GSE1: variants seen among roughly 807,000 people sequenced by gnomAD.
GSE1 encodes the protein Gse1 coiled-coil protein.
In GSE1, 32 loss-of-function variants were observed where a neutral mutation model predicts 112.6. The observed-to-expected ratio is 0.28, with a 90% confidence interval of 0.21 to 0.38. The LOEUF is 0.38. GSE1 is among the 10% of genes least tolerant of loss of function. The pLI is 1.00. For synonymous variants in GSE1, 1,115 were observed against 735.6 expected, an observed-to-expected ratio of 1.52 and a Z score of -8.35; for missense variants, 2,348 against 1,699.2, an observed-to-expected ratio of 1.38 and a Z score of -6.71.
At chr16:85,572,471 AT>A (rs1250273364) in intron 1 of GSE1, among the ~76,000 whole-genome samples, 11 of 135,000 alleles carry the variant, frequency 8.1e-5, no homozygotes, top group South Asian at 2.5e-4. Context: ...CACAACACAC[AT>A]CACACACACC....
At chr16:85,469,553 G>A (rs1005242261) in intron 2 of GSE1, among the ~76,000 whole-genome samples, 7 of 152,136 alleles carry the variant, frequency 4.6e-5, no homozygotes, top group Admixed American at 2.6e-4. Flanking sequence ...ACTAGGACAC[G>A]GGCATCACCT....
intron 2 of GSE1, among the ~76,000 whole-genome samples, chr16:85,468,312 C>CTTT (rs55873035): frequency 6.2e-4 from 72 of 116,682 alleles, no homozygotes; most frequent in East Asian, 1.2e-3. Flanking sequence ...CCCTTCTTTC[C>CTTT]TTTTTTTTTT....
rs1423831361 is a variant in GSE1 at position 85,633,896 on chromosome 16, C to T, written c.8-18C>T. On this transcript the variant is annotated intron_variant, in intron 1 of 15. Transcript: ENST00000253458. ...CCTGCTCTCTGGGTGACCTCTGGTT[C>T]TTCTTTTCCTGTTTCAGGCATGAGC... is the stretch of plus-strand genomic sequence containing the variant. 5 of 1,598,812 alleles carry T rather than the reference C, an allele frequency of 3.1e-6. No homozygotes were observed. The highest frequency in any genetic ancestry group is 2.2e-5 in the East Asian group (1 of 44,520).
intron 1 of GSE1, among the ~76,000 whole-genome samples, chr16:85,226,502 C>T (rs868045605): frequency 6.6e-6 from 1 of 152,226 alleles, no homozygotes; most frequent in Admixed American, 6.5e-5. Flanking sequence ...TGTGACTCTG[C>T]AGCCAGATGG....
chr16:85,442,751 G>A (rs76003935), intron 2 of GSE1, among the ~76,000 whole-genome samples: 7,292 of 152,242 alleles, frequency 0.048, 595 homozygotes, highest in African/African-American at 0.17. Context: ...CTTAGCTCCC[G>A]TATTAGTGGC....
At chr16:85,248,933 C>T (rs1597186379) in intron 1 of GSE1, among the ~76,000 whole-genome samples, 1 of 152,258 alleles carries the variant, frequency 6.6e-6, no homozygotes, top group Non-Finnish European at 1.5e-5. Context: ...CAGGTGGAGT[C>T]CTGGAGCTTC....
chr16:85,501,515 C>A (rs1229454330), intron 2 of GSE1, among the ~76,000 whole-genome samples: 2 of 151,792 alleles, frequency 1.3e-5, no homozygotes, highest in African/African-American at 2.4e-5. Context: ...CCTCAGCCTC[C>A]TAAATAGCTG....
At chr16:85,584,089 G>A (rs936871398) in intron 1 of GSE1, among the ~76,000 whole-genome samples, 3 of 152,350 alleles carry the variant, frequency 2.0e-5, no homozygotes, top group Admixed American at 1.3e-4. Context: ...CATGGGGACG[G>A]GGACACAGGC....
At chr16:85,658,864 A>T (rs546669398) in intron 8 of GSE1, among the ~76,000 whole-genome samples, 1 of 152,274 alleles carries the variant, frequency 6.6e-6, no homozygotes, top group Non-Finnish European at 1.5e-5. Flanking sequence ...CCACCCATGG[A>T]CTGCTTCCAG....
At chr16:85,446,197 C>G (rs185045089) in intron 2 of GSE1, among the ~76,000 whole-genome samples, 1 of 152,180 alleles carries the variant, frequency 6.6e-6, no homozygotes, top group Non-Finnish European at 1.5e-5. Flanking sequence ...GCCTGTTCCC[C>G]GGAGGACCTG....
chr16:85,672,588 T>C lies in GSE1; in HGVS notation c.*49T>C. On this transcript the variant is annotated 3_prime_UTR_variant, in exon 16 of 16. Transcript: ENST00000253458. ...ACCTATAGTATAGAAATATTATCTA[T>C]TTTATTACCTTGAATATTTAATATT... 1 of 1,282,818 alleles carries C rather than the reference T, an allele frequency of 7.8e-7. No homozygotes were observed. The highest frequency in any genetic ancestry group is 1.5e-5 in the African/African-American group (1 of 66,386). 79.5% of individuals were successfully genotyped at this position (1,282,818 alleles called of 1,614,324 possible).
At chr16:85,479,072 A>C (rs1378173851) in intron 2 of GSE1, among the ~76,000 whole-genome samples, 3 of 133,496 alleles carry the variant, frequency 2.2e-5, no homozygotes, top group Middle Eastern at 3.8e-3. Flanking sequence ...CCCAGGCTGG[A>C]GTGCAGTGGC....
Position 85,407,886 on chromosome 16 carries a change from G to A in GSE1, c.2464+50243G>A, listed in dbSNP as rs1278074451. Among the ~76,000 whole-genome samples, 7 of 27,400 alleles carry A rather than the reference G, an allele frequency of 2.6e-4. 1 individual carries two copies. Among genetic ancestry groups the A allele is most frequent in the Admixed American group, 3.4e-4 (1 of 2,902 alleles). 18.0% of individuals were successfully genotyped at this position (27,400 alleles called of 152,430 possible). The stretch of plus-strand genomic sequence containing the variant: ...TCAGGCCCCCCGGATAATCCTCACC[G>A]TTACACTCAGGGCCCCCCTGGATAA... On this transcript the variant is annotated intron_variant, in intron 2 of 2. Transcript: ENST00000637419.
At chr16:85,662,884 G>A in intron 9 of GSE1, 97 bp from the exon 10 acceptor site, 1 of 851,544 alleles carries the variant, frequency 1.2e-6, no homozygotes, top group Non-Finnish European at 1.9e-6. Context: ...AGCAGGCCTG[G>A]CCTGATAGGT....
Position 85,506,548 on chromosome 16 carries a change from C to T in GSE1, c.2465-127366C>T, listed in dbSNP as rs960753517. ...ACGATCAGGGGAGCTTCTGGAGTGG[C>T]TAGTGCAGAAGGCGTGTTTTGAGGA... On this transcript the variant is annotated intron_variant, in intron 2 of 2. Transcript: ENST00000637419. Among the ~76,000 whole-genome samples, 2 of 152,134 alleles carry T rather than the reference C, an allele frequency of 1.3e-5. 1 individual carries two copies. The highest frequency in any genetic ancestry group is 1.3e-4 in the Admixed American group (2 of 15,268).
At chr16:85,639,652 G>T (rs2050281467) in intron 2 of GSE1, among the ~76,000 whole-genome samples, 1 of 152,252 alleles carries the variant, frequency 6.6e-6, no homozygotes, top group African/African-American at 2.4e-5. Context: ...CAGCTCCCCA[G>T]CTCCACACCC....
intron 2 of GSE1, among the ~76,000 whole-genome samples, chr16:85,424,006 C>A (rs1380314390): frequency 6.6e-6 from 1 of 152,246 alleles, no homozygotes; most frequent in African/African-American, 2.4e-5. Flanking sequence ...CCTCCTCAGC[C>A]CTCACCTGCA....
chr16:85,561,969 C>T (rs1303582537), intron 1 of GSE1, among the ~76,000 whole-genome samples: 2 of 152,158 alleles, frequency 1.3e-5, no homozygotes, highest in East Asian at 1.9e-4. Flanking sequence ...TGCTTGGAGC[C>T]GAGGCGGGGA....
intron 1 of GSE1, among the ~76,000 whole-genome samples, chr16:85,329,857 G>A (rs940219466): frequency 2.0e-5 from 3 of 149,384 alleles, no homozygotes; most frequent in African/African-American, 4.9e-5. Context: ...TGGGGAGGGC[G>A]GAGGGCAGGA....
Sources: gnomAD v4.1 joint callset for allele counts (sites outside exome capture counted in the v4.1 genomes callset) on GRCh38, gnomAD v4.1.1 for gene constraint, MANE v1.5 for transcripts, NCBI Gene and HGNC (gene_info 2026-07-23, HGNC 2026-07-21) for gene names.